EEFSEC: variants seen among roughly 807,000 people sequenced by gnomAD.
EEFSEC encodes the protein eukaryotic elongation factor, selenocysteine-tRNA specific, also known as selenocysteine-specific elongation factor.
EEFSEC carries 43 observed loss-of-function variants against 42.1 expected under a neutral mutation model. The observed-to-expected ratio is 1.02, with a 90% confidence interval of 0.80 to 1.32. The LOEUF is 1.32. Ranked by LOEUF, EEFSEC falls within the 40% of genes most tolerant of loss-of-function variation. The pLI is 0.00. For missense variants in EEFSEC, 745 were observed against 803.6 expected (o/e 0.93, Z 0.88); for synonymous variants, 354 against 339.1 (o/e 1.04, Z -0.48).
intron 3 of EEFSEC, 35 bp downstream of exon 3, chr3:128,262,259 C>T (rs754774089): frequency 6.3e-7 from 1 of 1,587,548 alleles, no homozygotes; most frequent in Non-Finnish European, 8.7e-7. Context: ...GCCCTTTAGC[C>T]CCAGCGCTGC....
chr3:128,226,258 A>C (rs2065906656), intron 1 of EEFSEC, among the ~76,000 whole-genome samples: 1 of 152,190 alleles, frequency 6.6e-6, no homozygotes, highest in Non-Finnish European at 1.5e-5. Context: ...CATCAGAACC[A>C]ATTGGGTTAG....
At chr3:128,176,308 C>CTT (rs2065347384) in intron 1 of EEFSEC, among the ~76,000 whole-genome samples, 1 of 151,760 alleles carries the variant, frequency 6.6e-6, no homozygotes, top group Admixed American at 6.6e-5. Flanking sequence ...AATTAATATA[C>CTT]TTGAAGTAAT....
intron 4 of EEFSEC, among the ~76,000 whole-genome samples, chr3:128,311,867 CT>C: frequency 6.6e-6 from 1 of 152,290 alleles, no homozygotes; most frequent in Middle Eastern, 3.4e-3. Context: ...TTCCTGGGAG[CT>C]GCATCTGTCC....
intron 4 of EEFSEC, among the ~76,000 whole-genome samples, chr3:128,281,800 G>A (rs568160917): frequency 1.8e-4 from 27 of 152,166 alleles, no homozygotes; most frequent in Non-Finnish European, 3.1e-4. Flanking sequence ...GGGGTTTTGA[G>A]CCTTATGGCT....
At chr3:128,188,840 C>T (rs2065491042) in intron 1 of EEFSEC, among the ~76,000 whole-genome samples, 1 of 152,184 alleles carries the variant, frequency 6.6e-6, no homozygotes, top group Non-Finnish European at 1.5e-5. Context: ...TACTGGATTC[C>T]CCTCCCAGCC....
In EEFSEC at chr3:128,350,568, C is replaced by T. The variant is rs569012306; in HGVS notation, c.1444-7649C>T. Among the ~76,000 whole-genome samples the T allele has an allele frequency of 2.9e-4, 44 of 152,322 alleles. 2 individuals carry two copies. The South Asian group carries it at 8.3e-3, about 29-fold the overall frequency. ...TTCTGGTCCCAGCCCAAATCCTCAG[C>T]GTTTCTTCTGACTTCCAGTATCAGG... is the stretch of plus-strand genomic sequence containing the variant. On this transcript the variant is annotated intron_variant, in intron 5 of 6. Coordinates refer to ENST00000254730, the MANE Select transcript of EEFSEC (RefSeq NM_021937.5).
the EEFSEC span, among the ~76,000 whole-genome samples, chr3:128,422,508 C>T: frequency 6.6e-6 from 1 of 152,202 alleles, no homozygotes; most frequent in African/African-American, 2.4e-5. Context: ...GAGAGGAAGG[C>T]AGGGAAGTGT....
chr3:128,282,386 T>G (rs2066536435), intron 4 of EEFSEC, among the ~76,000 whole-genome samples: 1 of 152,256 alleles, frequency 6.6e-6, no homozygotes, highest in African/African-American at 2.4e-5. Flanking sequence ...GCTTAAGCAT[T>G]GCTCTTGCCA....
At chr3:128,303,831 A>T (rs1290060843) in intron 4 of EEFSEC, among the ~76,000 whole-genome samples, 1 of 152,114 alleles carries the variant, frequency 6.6e-6, no homozygotes, top group Non-Finnish European at 1.5e-5. Flanking sequence ...ATTCTTTTGC[A>T]TGTAGCCTAC....
chr3:128,175,047 TGTC>T (rs541442033), intron 1 of EEFSEC, among the ~76,000 whole-genome samples: 300 of 152,280 alleles, frequency 2.0e-3, no homozygotes, highest in African/African-American at 6.9e-3. Context: ...TCCTGTCTAA[TGTC>T]ATCATCGGCA....
chr3:128,334,099 G>C (rs2067163707), intron 4 of EEFSEC, among the ~76,000 whole-genome samples: 1 of 152,188 alleles, frequency 6.6e-6, no homozygotes, highest in Non-Finnish European at 1.5e-5. Flanking sequence ...CTTCCCCAGG[G>C]TAGCTGCTGG....
intron 1 of EEFSEC, among the ~76,000 whole-genome samples, chr3:128,241,196 TC>T (rs1425603727): frequency 8.9e-6 from 1 of 112,574 alleles, no homozygotes; most frequent in Non-Finnish European, 1.8e-5. Flanking sequence ...CCTCTCTCTC[TC>T]TCTCTTTTTT....
intron 4 of EEFSEC, among the ~76,000 whole-genome samples, chr3:128,280,035 G>C: frequency 6.6e-6 from 1 of 152,252 alleles, no homozygotes; most frequent in East Asian, 1.9e-4. Context: ...CGCGAGGACA[G>C]AGACTTTTGT....
chr3:128,328,897 A>G (rs1458956340), intron 4 of EEFSEC, among the ~76,000 whole-genome samples: 1 of 152,172 alleles, frequency 6.6e-6, no homozygotes, highest in Admixed American at 6.5e-5. Context: ...TCCCAGACCT[A>G]GCAGCCCCCT....
At chr3:128,300,881 G>T (rs2066759882) in intron 4 of EEFSEC, among the ~76,000 whole-genome samples, 1 of 151,902 alleles carries the variant, frequency 6.6e-6, no homozygotes, top group South Asian at 2.1e-4. Flanking sequence ...TTTTAAACAA[G>T]TAGGACTATA....
Position 128,174,177 on chromosome 3 carries a change from T to G in EEFSEC, c.316+20354T>G, listed in dbSNP as rs9837125. 1.4e-3 allele frequency among the ~76,000 whole-genome samples: 218 copies of G among 152,276 alleles called. 1 individual carries two copies. Among genetic ancestry groups the G allele is most frequent in the African/African-American group, 5.1e-3 (212 of 41,554 alleles). On this transcript the variant is annotated intron_variant, in intron 1 of 6. Coordinates refer to ENST00000254730, the MANE Select transcript of EEFSEC (RefSeq NM_021937.5). ...TGCCATGGCCTGGTACGAATGCCCT[T>G]TGGTGAAAAAGGCCAGTGAAACCCA...
chr3:128,296,900 A>G (rs2066712562), intron 4 of EEFSEC, among the ~76,000 whole-genome samples: 1 of 152,190 alleles, frequency 6.6e-6, no homozygotes. Flanking sequence ...AATTGTAGCC[A>G]ATGCTATTCC....
chr3:128,318,918 T>C (rs1044385394), intron 4 of EEFSEC, among the ~76,000 whole-genome samples: 1 of 152,210 alleles, frequency 6.6e-6, no homozygotes, highest in African/African-American at 2.4e-5. Context: ...AGGCGGTTTT[T>C]ACCCCATTGT....
At chr3:128,353,934 A>G (rs796434644) in intron 5 of EEFSEC, among the ~76,000 whole-genome samples, 4 of 152,256 alleles carry the variant, frequency 2.6e-5, no homozygotes, top group African/African-American at 9.6e-5. Flanking sequence ...AAGGGGTGAG[A>G]GAGCAGAGTG....
Sources: gnomAD v4.1 joint callset for allele counts (sites outside exome capture counted in the v4.1 genomes callset) on GRCh38, gnomAD v4.1.1 for gene constraint, MANE v1.5 for transcripts, NCBI Gene and HGNC (gene_info 2026-07-23, HGNC 2026-07-21) for gene names.